Variants in UTY observed in about 807,000 individuals in gnomAD.
UTY encodes the protein histone demethylase UTY.
UTY carries 12 observed loss-of-function variants against 32.5 expected under a neutral mutation model. The ratio of observed to expected loss-of-function variants is 0.37; its 90% CI spans 0.24 to 0.60. UTY has a LOEUF of 0.60. Ranked by LOEUF, UTY falls within the 20% of genes least tolerant of loss-of-function variation. The probability of loss-of-function intolerance (pLI) is 0.69; values close to 1 mark genes in which losing one functional copy is unlikely to be tolerated. For synonymous variants in UTY, 131 were observed against 103.4 expected (o/e 1.27, Z -1.62); for missense variants, 303 against 299.2 (o/e 1.01, Z -0.09).
At chrY:13,362,145 A>G in intron 10 of UTY, among the ~76,000 whole-genome samples, 2 of 33,922 alleles carry the variant, frequency 5.9e-5, no homozygotes. Flanking sequence ...TAGAAAGCCA[A>G]TGCACTGAAA....
At chrY:13,408,322 AGTATC>A (rs2070368576) in intron 6 of UTY, among the ~76,000 whole-genome samples, 3 of 32,697 alleles carry the variant, frequency 9.2e-5, no homozygotes, top group African/African-American at 3.6e-4. Context: ...ACACCTGGTA[AGTATC>A]TTCTACTAAA....
intron 2 of UTY, among the ~76,000 whole-genome samples, chrY:13,474,858 G>A (rs2078887967): frequency 3.0e-5 from 1 of 33,410 alleles, no homozygotes; most frequent in Non-Finnish European, 7.4e-5. Context: ...CTCCATCTCC[G>A]AAACGGCTGG....
chrY:13,473,093 C>A, intron 2 of UTY, among the ~76,000 whole-genome samples: 2 of 33,196 alleles, frequency 6.0e-5, no homozygotes, highest in Non-Finnish European at 1.5e-4. Context: ...CCCGTCTCAA[C>A]TAAAAACATA....
intron 27 of UTY, among the ~76,000 whole-genome samples, chrY:13,291,246 A>G: frequency 1.5e-4 from 5 of 33,376 alleles, no homozygotes; most frequent in Non-Finnish European, 3.7e-4. Context: ...TGAGGCCAGT[A>G]TTACTCATAT....
chrY:13,236,689 A>G, intron 28 of UTY, among the ~76,000 whole-genome samples: 1 of 33,397 alleles, frequency 3.0e-5, no homozygotes, highest in Non-Finnish European at 7.4e-5. Flanking sequence ...ATACAAAATT[A>G]AATACGCATG....
chrY:13,460,792 A>G (rs2077282833), intron 3 of UTY, among the ~76,000 whole-genome samples: 1 of 33,491 alleles, frequency 3.0e-5, no homozygotes, highest in Non-Finnish European at 7.3e-5. Context: ...CAAGGGATCT[A>G]CTATAAAACA....
At chrY:13,358,722 A>G in intron 13 of UTY, 103 bp from the exon 14 acceptor site, 1 of 176,050 alleles carries the variant, frequency 5.7e-6, no homozygotes, top group Non-Finnish European at 8.9e-6. Flanking sequence ...TGCGGACATC[A>G]TTGATGGTAA....
At chrY:13,358,952 T>A in intron 13 of UTY, 136 bp downstream of exon 13, 2 of 245,775 alleles carry the variant, frequency 8.1e-6, no homozygotes, top group Non-Finnish European at 1.1e-5. Context: ...AATTAAAAAA[T>A]TTTTATTTTT....
Position 13,456,568 on chromosome Y carries a change from C to T in UTY, c.326-7502G>A. Among the ~76,000 whole-genome samples, 6 of 33,136 alleles carry T rather than the reference C, an allele frequency of 1.8e-4. No individual in the cohort carries two copies. In the South Asian group the frequency reaches 4.1e-3, roughly 23 times the overall value. 88.9% of individuals were successfully genotyped at this position (33,136 alleles called of 37,273 possible). A position where few individuals can be genotyped will look rare whatever the true frequency, so the allele number is the denominator to read the frequency against. Reference sequence around the variant, plus strand: ...GCTTCAGCCACAAAGATGGAGGTTGCAGTGAGTCAACACTGAGCCAGTGCA... The same window carrying T: ...GCTTCAGCCACAAAGATGGAGGTTGTAGTGAGTCAACACTGAGCCAGTGCA... On this transcript the variant is annotated intron_variant, in intron 3 of 29. Coordinates refer to ENST00000545955, the MANE Select transcript of UTY (RefSeq NM_001258249.2).
chrY:13,479,888 A>T lies in UTY; in HGVS notation c.-223T>A. 7.0e-6 allele frequency: 1 copy of T among 143,321 alleles called. No individual in the cohort carries two copies. Among genetic ancestry groups the T allele is most frequent in the Non-Finnish European group, 1.3e-5 (1 of 76,112 alleles). 35.8% of individuals were successfully genotyped at this position (143,321 alleles called of 400,897 possible). A position where few individuals can be genotyped will look rare whatever the true frequency, so the allele number is the denominator to read the frequency against. ...AACTACAGGGAAGGCAGAAGCTCGC[A>T]GTGCTGGAGAGCACAGCAGAATTTC... On this transcript the variant is annotated 5_prime_UTR_variant, in exon 1 of 30. Coordinates refer to ENST00000545955, the MANE Select transcript of UTY (RefSeq NM_001258249.2).
intron 5 of UTY, among the ~76,000 whole-genome samples, chrY:13,413,443 G>A: frequency 3.0e-5 from 1 of 33,890 alleles, no homozygotes; most frequent in Non-Finnish European, 7.4e-5. Flanking sequence ...GAACCAACTG[G>A]GAGGCACACA....
chrY:13,302,930 T>C lies in UTY; in HGVS notation c.3627A>G (p.Glu1209=). The C allele has an allele frequency of 2.5e-6, 1 of 396,123 alleles. No homozygotes were observed. The change falls in exon 25 of 30, where the codon GAA becomes GAG. Residue 1209 remains glutamate (E), a synonymous_variant. Transcript: ENST00000545955. ...VNINIGPGDC[E]WFVVPEDYWG... ...AATAATCTTCAGGTACAACAAACCA[T>C]TCACAATCTCCTGGACCAATATTTA...
At chrY:13,421,143 T>A in intron 4 of UTY, among the ~76,000 whole-genome samples, 1 of 33,293 alleles carries the variant, frequency 3.0e-5, no homozygotes, top group African/African-American at 1.2e-4. Context: ...TCACTGATTA[T>A]TAGAGAAAAG....
At position 13,464,788 on chromosome Y, in the gene UTY, C is replaced by T. The variant is rs753219219; in HGVS notation, c.325+5333G>A. On this transcript the variant is annotated intron_variant, in intron 3 of 29. Coordinates refer to ENST00000545955, the MANE Select transcript of UTY (RefSeq NM_001258249.2). Reference sequence around the variant, plus strand: ...TCGTTGACAGAGTGAGATTGTGTTTCAAAAAATAAAGCTGAGTGCAGTGGC... The same window carrying T: ...TCGTTGACAGAGTGAGATTGTGTTTTAAAAAATAAAGCTGAGTGCAGTGGC... Among the ~76,000 whole-genome samples the T allele has an allele frequency of 1.4e-4, 4 of 29,567 alleles. No homozygotes were observed. In the South Asian group the frequency reaches 3.1e-3, roughly 23 times the overall value. 79.3% of individuals were successfully genotyped at this position (29,567 alleles called of 37,273 possible).
intron 6 of UTY, among the ~76,000 whole-genome samples, chrY:13,399,194 C>A: frequency 3.0e-5 from 1 of 33,324 alleles, no homozygotes; most frequent in African/African-American, 1.2e-4. Flanking sequence ...CAGAGTGAGA[C>A]CCTGTCTCAA....
At chrY:13,247,210 T>A (rs2053960224), downstream of UTY, among the ~76,000 whole-genome samples, 1 of 33,092 alleles carries the variant, frequency 3.0e-5, no homozygotes, top group Non-Finnish European at 7.4e-5. Context: ...CTTTTTTTTT[T>A]AAATCTCCAA....
chrY:13,382,113 G>A, intron 8 of UTY, among the ~76,000 whole-genome samples: 1 of 32,371 alleles, frequency 3.1e-5, no homozygotes, highest in East Asian at 7.8e-4. Context: ...GCCAAGCAAC[G>A]TTTTCTGGGA....
At chrY:13,446,756 T>C in intron 4 of UTY, among the ~76,000 whole-genome samples, 1 of 31,652 alleles carries the variant, frequency 3.2e-5, no homozygotes, top group African/African-American at 1.3e-4. Flanking sequence ...CTGGTGGCTT[T>C]TGGCGCAAAC....
chrY:13,312,433 G>GA (rs112332577), intron 21 of UTY, among the ~76,000 whole-genome samples: 19 of 20,224 alleles, frequency 9.4e-4, no homozygotes, highest in East Asian at 8.9e-3. Context: ...TCTGCTAGGA[G>GA]AAAAAAAAAA....
Sources: gnomAD v4.1 joint callset for allele counts (sites outside exome capture counted in the v4.1 genomes callset) on GRCh38, gnomAD v4.1.1 for gene constraint, MANE v1.5 for transcripts, NCBI Gene and HGNC (gene_info 2026-07-23, HGNC 2026-07-21) for gene names.